Variants in ANXA4 observed in about 807,000 individuals in gnomAD.
ANXA4 encodes the protein annexin A4.
ANXA4 carries 39 observed loss-of-function variants against 49.8 expected under a neutral mutation model. The ratio of observed to expected loss-of-function variants is 0.78; its 90% confidence interval spans 0.61 to 1.02. The LOEUF (loss-of-function observed/expected upper bound fraction) is 1.02. Ranked by LOEUF, ANXA4 falls within the 50% of genes least tolerant of loss-of-function variation. The pLI, the probability that ANXA4 is intolerant of heterozygous loss-of-function variation, is 0.00. For missense variants in ANXA4, 360 were observed against 410.1 expected, an observed-to-expected ratio of 0.88 and a Z score of 1.05; for synonymous variants, 134 against 152.5, an observed-to-expected ratio of 0.88 and a Z score of 0.89.
At chr2:69,800,693 C>A (rs1315565395) in intron 3 of ANXA4, among the ~76,000 whole-genome samples, 1 of 152,030 alleles carries the variant, frequency 6.6e-6, no homozygotes, top group Non-Finnish European at 1.5e-5. Flanking sequence ...AATTAAGGGA[C>A]AAGGTGTTTC....
chr2:69,807,946 C>T lies in ANXA4; in HGVS notation c.347C>T (p.Ala116Val), dbSNP rs777409785. 1.3e-5 allele frequency: 21 copies of T among 1,614,142 alleles called. No homozygotes were observed. The Admixed American group carries it at 1.8e-4, about 14-fold the overall frequency. ...GAGGGCTGCCTAATTGAGATCCTGG[C>T]CTCCCGGACCCCTGAGGAGATCCGG... ...TDEGCLIEIL[A>V]SRTPEEIRRI... The change falls in exon 6 of 13, where the codon GCC becomes GTC. Residue 116 changes from alanine (A) to valine (V), a missense_variant. By Grantham distance (64) the Ala-to-Val change is moderately conservative (BLOSUM62 0). Transcript: ENST00000394295.
At chr2:69,658,817 C>G (rs933113755) in intron 2 of ANXA4, among the ~76,000 whole-genome samples, 1 of 152,212 alleles carries the variant, frequency 6.6e-6, no homozygotes, top group Admixed American at 6.5e-5. Context: ...GCCTCAGCCT[C>G]CTGAGTAGCT....
At chr2:69,649,818 C>T (rs1280155096) in intron 1 of ANXA4, among the ~76,000 whole-genome samples, 1 of 150,046 alleles carries the variant, frequency 6.7e-6, no homozygotes, top group African/African-American at 2.5e-5. Context: ...GACAGGGTTT[C>T]ACCATGTTGC....
chr2:69,679,845 G>A (rs912341429), intron 2 of ANXA4, among the ~76,000 whole-genome samples: 2 of 152,102 alleles, frequency 1.3e-5, no homozygotes, highest in African/African-American at 4.8e-5. Flanking sequence ...CGGATTCTGT[G>A]TTCTGTGGTC....
chr2:69,703,771 C>G (rs1678404846), intron 2 of ANXA4, among the ~76,000 whole-genome samples: 1 of 152,044 alleles, frequency 6.6e-6, no homozygotes, highest in Non-Finnish European at 1.5e-5. Flanking sequence ...CTATTTTATT[C>G]CATTATCTAT....
At chr2:69,679,079 A>G (rs549313683) in intron 2 of ANXA4, among the ~76,000 whole-genome samples, 2 of 152,248 alleles carry the variant, frequency 1.3e-5, no homozygotes, top group East Asian at 3.9e-4. Flanking sequence ...TTATTGATAC[A>G]CATTACATAT....
At chr2:69,810,754 A>G (rs1673669703) in intron 7 of ANXA4, 81 bp downstream of exon 7, 6 of 1,111,910 alleles carry the variant, frequency 5.4e-6, no homozygotes, top group African/African-American at 3.1e-5. Context: ...TCATCCTTTC[A>G]GCCCCTGACA....
intron 2 of ANXA4, among the ~76,000 whole-genome samples, chr2:69,702,145 G>A (rs1243185439): frequency 7.0e-6 from 1 of 142,864 alleles, no homozygotes; most frequent in African/African-American, 2.6e-5. Flanking sequence ...CTGAGCAGCT[G>A]TGATTACAGG....
chr2:69,716,087 C>A (rs1678873185), intron 2 of ANXA4, among the ~76,000 whole-genome samples: 1 of 152,144 alleles, frequency 6.6e-6, no homozygotes, highest in Admixed American at 6.6e-5. Context: ...GTCTAGAGTT[C>A]TCTGTGAGTA....
intron 1 of ANXA4, among the ~76,000 whole-genome samples, chr2:69,758,512 C>T (rs11695548): frequency 0.12 from 18,512 of 152,188 alleles, 1,641 homozygotes; most frequent in East Asian, 0.35. Flanking sequence ...GTCCCAGCTA[C>T]TCAACAGGCT....
chr2:69,678,394 T>C lies in ANXA4; in HGVS notation n.766+25112T>C, dbSNP rs571272749. Among the ~76,000 whole-genome samples the C allele has an allele frequency of 3.2e-3, 449 of 138,380 alleles. 2 individuals are homozygous for C. The highest frequency in any genetic ancestry group is 4.6e-3 in the Non-Finnish European group (300 of 64,976). 90.8% of individuals were successfully genotyped at this position (138,380 alleles called of 152,430 possible). A position where few individuals can be genotyped will look rare whatever the true frequency, so the allele number is the denominator to read the frequency against. On this transcript the variant is annotated intron_variant and non_coding_transcript_variant, in intron 2 of 3. Transcript: ENST00000418066. ...TCTACACTTTCTTTTCTTTTCTTTT[T>C]TTTTTTTTTTTTTTTTTGAGTCAGG...
chr2:69,649,923 G>GTTTTTTT (rs1676165833), intron 1 of ANXA4, among the ~76,000 whole-genome samples: 1 of 96,086 alleles, frequency 1.0e-5, no homozygotes, highest in Non-Finnish European at 2.0e-5. Context: ...TGCCTGGCCT[G>GTTTTTTT]ATTTTTTTTT....
chr2:69,820,911 TG>T, intron 12 of ANXA4, 90 bp downstream of exon 12: 1 of 1,377,048 alleles, frequency 7.3e-7, no homozygotes, highest in South Asian at 1.4e-5. Context: ...CCCCTCTTCT[TG>T]GCATATATCA....
intron 2 of ANXA4, among the ~76,000 whole-genome samples, chr2:69,711,097 G>A (rs10205462): frequency 0.072 from 11,024 of 152,158 alleles, 1,355 homozygotes; most frequent in African/African-American, 0.25. Context: ...TGGGAGGCTG[G>A]GATGGGTGGG....
At chr2:69,727,680 G>T (rs1475345748) in intron 3 of ANXA4, among the ~76,000 whole-genome samples, 2 of 152,138 alleles carry the variant, frequency 1.3e-5, no homozygotes, top group South Asian at 4.1e-4. Flanking sequence ...TCAGGAAAAA[G>T]CCTACAAAAA....
At chr2:69,723,989 G>A (rs938308298) in intron 3 of ANXA4, among the ~76,000 whole-genome samples, 2 of 152,176 alleles carry the variant, frequency 1.3e-5, no homozygotes, top group African/African-American at 4.8e-5. Flanking sequence ...GCGCGGTGGC[G>A]CACGCCTGTA....
At chr2:69,685,038 C>G (rs982789723) in intron 2 of ANXA4, among the ~76,000 whole-genome samples, 1 of 152,028 alleles carries the variant, frequency 6.6e-6, no homozygotes, top group African/African-American at 2.4e-5. Context: ...TTTGGGGCAT[C>G]ATAGAGAATA....
intron 3 of ANXA4, among the ~76,000 whole-genome samples, chr2:69,802,641 G>A (rs1673256197): frequency 6.6e-6 from 1 of 150,702 alleles, no homozygotes; most frequent in African/African-American, 2.5e-5. Flanking sequence ...AACCCGGGAG[G>A]CAGAGGTTGC....
chr2:69,733,409 A>G (rs1670156679), intron 3 of ANXA4, among the ~76,000 whole-genome samples: 1 of 152,098 alleles, frequency 6.6e-6, no homozygotes, highest in Non-Finnish European at 1.5e-5. Flanking sequence ...TTTGAGACCA[A>G]TCTGGGCAAT....
Sources: gnomAD v4.1 joint callset for allele counts (sites outside exome capture counted in the v4.1 genomes callset) on GRCh38, gnomAD v4.1.1 for gene constraint, MANE v1.5 for transcripts, NCBI Gene and HGNC (gene_info 2026-07-23, HGNC 2026-07-21) for gene names.